PDLIM5: variants seen among roughly 807,000 people sequenced by gnomAD.
PDLIM5 encodes PDZ and LIM domain 5.
PDLIM5 carries 34 observed loss-of-function variants against 64.2 expected under a neutral mutation model. That is an observed-to-expected ratio of 0.53 (90% CI 0.40 to 0.71). PDLIM5 has a LOEUF of 0.71. Among genes scored for constraint, PDLIM5 ranks in the 30% least tolerant of loss-of-function variants. The pLI, the probability that PDLIM5 is intolerant of heterozygous loss-of-function variation, is 0.00. For missense variants in PDLIM5, 683 were observed against 733.6 expected (o/e 0.93, Z 0.80); for synonymous variants, 253 against 269.1 (o/e 0.94, Z 0.59).
At chr4:94,501,596 A>G (rs900303459) in intron 2 of PDLIM5, among the ~76,000 whole-genome samples, 1 of 152,128 alleles carries the variant, frequency 6.6e-6, no homozygotes, top group Non-Finnish European at 1.5e-5. Flanking sequence ...AGTTTTTTAG[A>G]GTTCATTTTT....
chr4:94,645,462 G>A (rs1194980214), intron 9 of PDLIM5, among the ~76,000 whole-genome samples: 1 of 152,158 alleles, frequency 6.6e-6, no homozygotes, highest in African/African-American at 2.4e-5. Flanking sequence ...GAAATACAGA[G>A]GCTTAGATTA....
At chr4:94,598,681 C>G (rs1737253842) in intron 7 of PDLIM5, among the ~76,000 whole-genome samples, 1 of 151,742 alleles carries the variant, frequency 6.6e-6, no homozygotes, top group Non-Finnish European at 1.5e-5. Flanking sequence ...TGAACTTAGT[C>G]TAGTAGAGCA....
At chr4:94,539,825 T>C (rs1218818941) in intron 3 of PDLIM5, among the ~76,000 whole-genome samples, 1 of 152,096 alleles carries the variant, frequency 6.6e-6, no homozygotes, top group East Asian at 1.9e-4. Context: ...AACTTGTCAG[T>C]AGTTCAGTGG....
intron 2 of PDLIM5, among the ~76,000 whole-genome samples, chr4:94,466,323 G>A (rs1724361984): frequency 6.6e-6 from 1 of 152,088 alleles, no homozygotes. Context: ...TGTATGTATG[G>A]GAGTAACTGA....
chr4:94,480,625 A>G (rs1725764001), intron 2 of PDLIM5, among the ~76,000 whole-genome samples: 1 of 152,122 alleles, frequency 6.6e-6, no homozygotes, highest in African/African-American at 2.4e-5. Flanking sequence ...CAGGGGTGAA[A>G]CCTTAGGGAA....
At chr4:94,528,979 G>T (rs145168200) in intron 3 of PDLIM5, among the ~76,000 whole-genome samples, 2 of 152,324 alleles carry the variant, frequency 1.3e-5, no homozygotes, top group East Asian at 3.9e-4. Context: ...AGGGAGGCTG[G>T]TATAGCCAAA....
chr4:94,574,070 A>T (rs762056012), intron 4 of PDLIM5, among the ~76,000 whole-genome samples: 3 of 152,216 alleles, frequency 2.0e-5, no homozygotes, highest in Non-Finnish European at 4.4e-5. Context: ...TTCTACAAAG[A>T]TTCAAAAATC....
intron 8 of PDLIM5, among the ~76,000 whole-genome samples, chr4:94,629,322 AGAC>A (rs541237001): frequency 1.1e-3 from 171 of 152,002 alleles, no homozygotes; most frequent in South Asian, 8.5e-3. Context: ...GCACTGTGCG[AGAC>A]TCAGTTTCAA....
At chr4:94,455,751 A>G (rs1027613409) in intron 2 of PDLIM5, 2 of 1,505,080 alleles carry the variant, frequency 1.3e-6, no homozygotes, top group Admixed American at 3.9e-5. Context: ...TTTCAGTTCC[A>G]AAAGCTGTTT....
chr4:94,611,562 T>C (rs72878484), intron 7 of PDLIM5, among the ~76,000 whole-genome samples: 9,748 of 152,242 alleles, frequency 0.064, 1,068 homozygotes, highest in African/African-American at 0.22. Context: ...TTTAGAAAAA[T>C]GAAAATGATA....
intron 5 of PDLIM5, 59 bp from the exon 6 acceptor site, chr4:94,585,506 A>AT: frequency 1.0e-6 from 1 of 988,062 alleles, no homozygotes; most frequent in Non-Finnish European, 1.4e-6. Context: ...AGTAGAAGAT[A>AT]TTTTATCCTT....
At chr4:94,641,570 G>GTT (rs1432185005) in intron 9 of PDLIM5, among the ~76,000 whole-genome samples, 1 of 152,102 alleles carries the variant, frequency 6.6e-6, no homozygotes, top group Non-Finnish European at 1.5e-5. Flanking sequence ...AAAAAACAAA[G>GTT]TTCACACATA....
chr4:94,527,314 C>G (rs1170493340), intron 3 of PDLIM5, among the ~76,000 whole-genome samples: 1 of 152,016 alleles, frequency 6.6e-6, no homozygotes, highest in Non-Finnish European at 1.5e-5. Flanking sequence ...CTTGTCCTCC[C>G]AAAGTGCTGG....
chr4:94,611,663 T>C (rs1013085961), intron 7 of PDLIM5, among the ~76,000 whole-genome samples: 4 of 152,224 alleles, frequency 2.6e-5, no homozygotes, highest in African/African-American at 9.6e-5. Context: ...ATTTGGGAAA[T>C]GCTAAACACC....
At chr4:94,513,801 C>T (rs1560668640) in intron 2 of PDLIM5, among the ~76,000 whole-genome samples, 1 of 152,102 alleles carries the variant, frequency 6.6e-6, no homozygotes, top group African/African-American at 2.4e-5. Context: ...TGTCATGTTG[C>T]AGATTTTAGA....
intron 3 of PDLIM5, among the ~76,000 whole-genome samples, chr4:94,555,889 AT>A (rs1194984341): frequency 6.6e-6 from 1 of 150,886 alleles, no homozygotes; most frequent in African/African-American, 2.4e-5. Context: ...TTATTTATTT[AT>A]TTTTATTTTT....
chr4:94,601,846 G>A (rs1444666601), intron 7 of PDLIM5, among the ~76,000 whole-genome samples: 1 of 152,144 alleles, frequency 6.6e-6, no homozygotes, highest in Non-Finnish European at 1.5e-5. Context: ...TCCCACCTGA[G>A]GTTTAGTTGA....
intron 3 of PDLIM5, among the ~76,000 whole-genome samples, chr4:94,545,637 GAAT>G (rs1277486636): frequency 6.6e-6 from 1 of 152,104 alleles, no homozygotes; most frequent in Non-Finnish European, 1.5e-5. Flanking sequence ...TTCCAATTTT[GAAT>G]AATATTTCCT....
chr4:94,613,960 C>CTTT (rs759120575), intron 7 of PDLIM5, among the ~76,000 whole-genome samples: 66 of 124,324 alleles, frequency 5.3e-4, no homozygotes, highest in Middle Eastern at 4.4e-3. Context: ...ACTTTTAATC[C>CTTT]TTTTTTTTTT....
Sources: gnomAD v4.1 joint callset for allele counts (sites outside exome capture counted in the v4.1 genomes callset) on GRCh38, gnomAD v4.1.1 for gene constraint, MANE v1.5 for transcripts, NCBI Gene and HGNC (gene_info 2026-07-23, HGNC 2026-07-21) for gene names.